The following TSNARE1 variants were observed in gnomAD, a reference collection of about 807,000 sequenced individuals.
TSNARE1 encodes t-SNARE domain-containing protein 1.
TSNARE1 carries 49 observed loss-of-function variants against 62.0 expected under a neutral mutation model. That is an observed-to-expected ratio of 0.79 (90% confidence interval 0.63 to 1.00). The LOEUF is 1.00. Among genes scored for constraint, TSNARE1 ranks in the 50% least tolerant of loss-of-function variants. The probability of loss-of-function intolerance (pLI) is 0.00; values close to 1 mark genes in which losing one functional copy is unlikely to be tolerated. For synonymous variants in TSNARE1, 328 were observed against 294.4 expected (o/e 1.11, Z -1.17); for missense variants, 755 against 700.1 (o/e 1.08, Z -0.88).
chr8:142,292,787 C>T (rs1384527610), intron 10 of TSNARE1, among the ~76,000 whole-genome samples: 1 of 152,142 alleles, frequency 6.6e-6, no homozygotes, highest in East Asian at 1.9e-4. Context: ...CCAGACCCAC[C>T]AAGGGCCTTT....
chr8:142,222,409 C>T (rs111206365), intron 13 of TSNARE1, among the ~76,000 whole-genome samples: 5,849 of 55,734 alleles, frequency 0.1, 1,047 homozygotes, highest in African/African-American at 0.17. Context: ...CTCATTCACT[C>T]ACTCACTCAT....
chr8:142,318,640 G>A lies in TSNARE1; in HGVS notation c.894-6C>T, dbSNP rs778724380. On this transcript the variant is annotated splice_polypyrimidine_tract_variant and splice_region_variant and intron_variant, in intron 6 of 13. Coordinates refer to ENST00000524325, the MANE Select transcript of TSNARE1 (RefSeq NM_145003.5). ...TCTCCTGCTGTGCCGTGTGCCTGGGGGCCGAGAAGGAGCCAGGAGCGAAGG... is the reference window on the plus strand; with the variant it reads ...TCTCCTGCTGTGCCGTGTGCCTGGGAGCCGAGAAGGAGCCAGGAGCGAAGG... 12 of 1,613,436 alleles carry A rather than the reference G, an allele frequency of 7.4e-6. No individual in the cohort carries two copies. The African/African-American group carries it at 1.5e-4, about 20-fold the overall frequency.
intron 10 of TSNARE1, among the ~76,000 whole-genome samples, chr8:142,293,368 C>G (rs932187698): frequency 3.3e-5 from 5 of 152,212 alleles, no homozygotes; most frequent in Non-Finnish European, 5.9e-5. Context: ...GTGTGGGGCA[C>G]GTGGACAGCC....
chr8:142,248,973 T>C (rs1244923812), intron 12 of TSNARE1, among the ~76,000 whole-genome samples: 1 of 152,212 alleles, frequency 6.6e-6, no homozygotes, highest in Non-Finnish European at 1.5e-5. Context: ...GCCACGCCTT[T>C]GGAGGTAGCC....
intron 1 of TSNARE1, among the ~76,000 whole-genome samples, chr8:142,377,530 G>A (rs1267825494): frequency 3.3e-5 from 5 of 152,312 alleles, no homozygotes; most frequent in South Asian, 2.1e-4. Flanking sequence ...TCAGGGCAGC[G>A]TGCAGGAAGG....
At chr8:142,327,259 G>T (rs1830403023) in intron 6 of TSNARE1, among the ~76,000 whole-genome samples, 1 of 152,138 alleles carries the variant, frequency 6.6e-6, no homozygotes, top group African/African-American at 2.4e-5. Flanking sequence ...GAGACAGAGG[G>T]GTGCAGTTCT....
At chr8:142,368,545 T>C (rs1023042139) in intron 1 of TSNARE1, among the ~76,000 whole-genome samples, 1 of 152,052 alleles carries the variant, frequency 6.6e-6, no homozygotes, top group African/African-American at 2.4e-5. Flanking sequence ...GGAGAGAAGA[T>C]GGGAGCACTG....
chr8:142,216,434 C>T (rs1331441492), intron 13 of TSNARE1, among the ~76,000 whole-genome samples: 1 of 152,162 alleles, frequency 6.6e-6, no homozygotes, highest in African/African-American at 2.4e-5. Context: ...TGGGCTCTGG[C>T]GTCCTCTGGC....
At chr8:142,388,514 AAAAG>A (rs1336976091) in intron 1 of TSNARE1, among the ~76,000 whole-genome samples, 1 of 150,170 alleles carries the variant, frequency 6.7e-6, no homozygotes, top group Non-Finnish European at 1.5e-5. Flanking sequence ...AAAAAAAAAA[AAAAG>A]AAGAAATCAG....
rs1477613031 is a variant in TSNARE1 at position 142,218,138 on chromosome 8, GGA to G, written c.*12-5827_*12-5826del. Among the ~76,000 whole-genome samples the G allele has an allele frequency of 5.3e-4, 67 of 125,944 alleles. 2 individuals are homozygous for G. The highest frequency in any genetic ancestry group is 7.0e-4 in the South Asian group (3 of 4,270). 82.6% of individuals were successfully genotyped at this position (125,944 alleles called of 152,430 possible). ...CCAGGATCAGGGCTCCGTGTGACCA[GGA>G]TCAGGCTCAGTGTGTGGCCAGGGTC... is the stretch of plus-strand genomic sequence containing the variant. On this transcript the variant is annotated intron_variant, in intron 13 of 13. Coordinates refer to ENST00000524325, the MANE Select transcript of TSNARE1 (RefSeq NM_145003.5).
intron 12 of TSNARE1, among the ~76,000 whole-genome samples, chr8:142,257,146 G>C (rs1282183869): frequency 6.6e-6 from 1 of 152,180 alleles, no homozygotes; most frequent in Non-Finnish European, 1.5e-5. Flanking sequence ...CTCTCCGAGG[G>C]AGGCAAGTCT....
chr8:142,378,014 G>A (rs185456401), intron 1 of TSNARE1, among the ~76,000 whole-genome samples: 36 of 152,316 alleles, frequency 2.4e-4, no homozygotes, highest in African/African-American at 6.5e-4. Flanking sequence ...GGATCCGCGC[G>A]GTGAACTATG....
At chr8:142,365,631 CACAG>C (rs1259630781) in intron 1 of TSNARE1, among the ~76,000 whole-genome samples, 2 of 147,200 alleles carry the variant, frequency 1.4e-5, no homozygotes, top group Admixed American at 6.7e-5. Flanking sequence ...CACACACACA[CACAG>C]AGAGAGAGAG....
chr8:142,251,878 T>C (rs1198406769), intron 12 of TSNARE1, among the ~76,000 whole-genome samples: 1 of 144,530 alleles, frequency 6.9e-6, no homozygotes. Context: ...GCATTCTCTG[T>C]CTTCAGGGCC....
At chr8:142,263,988 T>C (rs1819015764) in intron 12 of TSNARE1, among the ~76,000 whole-genome samples, 2 of 152,256 alleles carry the variant, frequency 1.3e-5, no homozygotes, top group Admixed American at 1.3e-4. Flanking sequence ...TTCATTCTGT[T>C]GTTCCTTTAC....
At chr8:142,298,717 C>T (rs1344152746) in intron 10 of TSNARE1, among the ~76,000 whole-genome samples, 2 of 152,232 alleles carry the variant, frequency 1.3e-5, no homozygotes, top group Middle Eastern at 3.2e-3. Context: ...TCTCTCCTCA[C>T]GACACTCTAT....
chr8:142,256,086 CACCACT>C (rs1171209150), intron 12 of TSNARE1, among the ~76,000 whole-genome samples: 7 of 88,098 alleles, frequency 7.9e-5, no homozygotes, highest in South Asian at 4.2e-4. Context: ...CCACCACCAC[CACCACT>C]GTCAGCATCA....
chr8:142,379,067 G>A (rs565902851), intron 1 of TSNARE1, among the ~76,000 whole-genome samples: 1 of 152,320 alleles, frequency 6.6e-6, no homozygotes, highest in African/African-American at 2.4e-5. Context: ...CCTTTGCAGA[G>A]GACTCTCAGA....
intron 10 of TSNARE1, among the ~76,000 whole-genome samples, chr8:142,298,874 C>A (rs577667448): frequency 6.6e-6 from 1 of 152,168 alleles, no homozygotes; most frequent in Non-Finnish European, 1.5e-5. Context: ...GAGGAGCTCA[C>A]GAGCACCCGT....
Sources: allele counts gnomAD v4.1 joint callset (sites outside exome capture counted in the v4.1 genomes callset), GRCh38; gene constraint gnomAD v4.1.1; transcripts MANE v1.5; gene names NCBI Gene and HGNC (gene_info 2026-07-23, HGNC 2026-07-21).